CAPN5: variants seen among roughly 807,000 people sequenced by gnomAD.
CAPN5 encodes calpain 5.
In CAPN5, 54 loss-of-function variants were observed where a neutral mutation model predicts 73.0. That is an observed-to-expected ratio of 0.74 (90% CI 0.59 to 0.93). The LOEUF (loss-of-function observed/expected upper bound fraction) is 0.93, where lower values mean the gene tolerates loss of function less well. CAPN5 is among the 40% of genes least tolerant of loss of function. The probability of loss-of-function intolerance (pLI) is 0.00; values close to 1 mark genes in which losing one functional copy is unlikely to be tolerated. For synonymous variants in CAPN5, 335 were observed against 356.9 expected, an observed-to-expected ratio of 0.94 and a Z score of 0.69; for missense variants, 785 against 882.9, an observed-to-expected ratio of 0.89 and a Z score of 1.41.
chr11:77,088,311 C>T (rs1950111870), intron 2 of CAPN5, among the ~76,000 whole-genome samples: 1 of 152,160 alleles, frequency 6.6e-6, no homozygotes, highest in Admixed American at 6.5e-5. Context: ...TGGAGATGGC[C>T]CTACTCCTCG....
At chr11:77,112,084 C>A (rs1950415954) in intron 3 of CAPN5, among the ~76,000 whole-genome samples, 1 of 151,972 alleles carries the variant, frequency 6.6e-6, no homozygotes, top group Non-Finnish European at 1.5e-5. Flanking sequence ...CTACAGTTGT[C>A]CCTGGGCGAG....
chr11:77,078,017 C>G (rs1487729415), intron 1 of CAPN5, among the ~76,000 whole-genome samples: 1 of 152,138 alleles, frequency 6.6e-6, no homozygotes, highest in East Asian at 1.9e-4. Context: ...TGCAGGTTGT[C>G]TCTTCGTTCT....
intron 3 of CAPN5, among the ~76,000 whole-genome samples, chr11:77,111,408 G>A (rs1555040721): frequency 6.6e-6 from 1 of 152,148 alleles, no homozygotes; most frequent in Non-Finnish European, 1.5e-5. Flanking sequence ...GGTGACCCTG[G>A]ACGAGTTACG....
intron 1 of CAPN5, among the ~76,000 whole-genome samples, chr11:77,068,057 G>T (rs1432496422): frequency 2.0e-5 from 3 of 152,208 alleles, no homozygotes; most frequent in African/African-American, 7.2e-5. Context: ...GATCTGGGCA[G>T]ACTTCTTGGA....
chr11:77,088,588 T>A (rs1950116491), intron 2 of CAPN5, among the ~76,000 whole-genome samples: 1 of 152,102 alleles, frequency 6.6e-6, no homozygotes, highest in South Asian at 2.1e-4. Context: ...CAGTCCCAGA[T>A]GGAAGTCCCG....
At position 77,122,786 on chromosome 11, in the gene CAPN5, G is replaced by A. The variant is rs149516309; in HGVS notation, c.1740+74G>A. 2.4e-3 allele frequency: 3,832 copies of A among 1,589,834 alleles called. 8 individuals are homozygous for A. The highest frequency in any genetic ancestry group is 2.9e-3 in the Non-Finnish European group (3,426 of 1,164,834). On this transcript the variant is annotated intron_variant, in intron 12 of 12. Transcript: ENST00000648180. ...TTCCCCACTCAGGGGGACAAGCCCA[G>A]GTGGAAGACCCTCTGACGAGGACCC...
intron 3 of CAPN5, among the ~76,000 whole-genome samples, chr11:77,109,886 C>CAG (rs1950394159): frequency 6.6e-6 from 1 of 152,176 alleles, no homozygotes; most frequent in African/African-American, 2.4e-5. Flanking sequence ...AATGATCCTC[C>CAG]CGAGGTCCTA....
intron 8 of CAPN5, 62 bp from the exon 9 acceptor site, chr11:77,118,968 C>T: frequency 6.4e-7 from 1 of 1,552,626 alleles, no homozygotes; most frequent in Non-Finnish European, 8.7e-7. Context: ...CGGGAGCCAG[C>T]CAGCCCATGC....
At position 77,122,051 on chromosome 11, in the gene CAPN5, T is replaced by A; in HGVS notation, c.1603+2T>A. 6.5e-7 allele frequency: 1 copy of A among 1,534,798 alleles called. No homozygotes were observed. The highest frequency in any genetic ancestry group is 8.8e-7 in the Non-Finnish European group (1 of 1,135,932). ...CTGGCCTCAAGGACTCCCCAACAGG[T>A]GAGCTCTCCCAGGGAGAGTCCCCCG... On this transcript the variant is annotated splice_donor_variant, in intron 11 of 12. Transcript: ENST00000648180. LOFTEE classifies it high-confidence loss of function.
At chr11:77,118,075 CAT>C in intron 7 of CAPN5, 80 bp from the exon 8 acceptor site, 1 of 1,269,242 alleles carries the variant, frequency 7.9e-7, no homozygotes, top group Non-Finnish European at 1.1e-6. Context: ...GCCATATGGA[CAT>C]ATTAGGTTGT....
At chr11:77,083,436 G>A (rs1555034899) in intron 1 of CAPN5, among the ~76,000 whole-genome samples, 1 of 152,228 alleles carries the variant, frequency 6.6e-6, no homozygotes. Flanking sequence ...GGGTCATACA[G>A]CCAAGGCGGT....
At chr11:77,103,019 G>T in intron 3 of CAPN5, 3 of 1,613,596 alleles carry the variant, frequency 1.9e-6, no homozygotes, top group Non-Finnish European at 2.5e-6. Context: ...TCACCCAGCA[G>T]CAGCGGCTAC....
At chr11:77,119,919 C>T (rs1950506291) in intron 9 of CAPN5, 1 of 152,260 alleles carries the variant, frequency 6.6e-6, no homozygotes, top group African/African-American at 2.4e-5. Context: ...TCAGGCAGGT[C>T]CTGGCAGCTG....
intron 5 of CAPN5, 116 bp downstream of exon 5, chr11:77,114,550 C>A: frequency 2.1e-6 from 2 of 940,206 alleles, no homozygotes; most frequent in Non-Finnish European, 3.4e-6. Context: ...AGACCCTCAG[C>A]CTCGTGGGGG....
At chr11:77,121,103 C>G (rs1950516730) in intron 10 of CAPN5, among the ~76,000 whole-genome samples, 194 bp downstream of exon 10, 1 of 152,264 alleles carries the variant, frequency 6.6e-6, no homozygotes, top group African/African-American at 2.4e-5. Flanking sequence ...CTAGGAACAG[C>G]TTCTTGTATG....
At chr11:77,075,012 C>T in intron 1 of CAPN5, among the ~76,000 whole-genome samples, 1 of 152,200 alleles carries the variant, frequency 6.6e-6, no homozygotes, top group East Asian at 1.9e-4. Flanking sequence ...TAGTCTTGTC[C>T]TTTTCTAGTC....
chr11:77,123,393 G>A (rs1309213964), intron 12 of CAPN5, among the ~76,000 whole-genome samples: 1 of 152,178 alleles, frequency 6.6e-6, no homozygotes, highest in African/African-American at 2.4e-5. Context: ...TTAAAGATGG[G>A]GAAACTAGGG....
In CAPN5 at chr11:77,125,097, G is replaced by A. The variant is rs931994296; in HGVS notation, c.*1227G>A. 4 of 152,336 alleles carry A rather than the reference G, an allele frequency of 2.6e-5. No homozygotes were observed. Among genetic ancestry groups the A allele is most frequent in the Admixed American group, 1.3e-4 (2 of 15,280 alleles). 9.4% of individuals were successfully genotyped at this position (152,336 alleles called of 1,614,324 possible). ...TTGCTGGTCCTCTGGAGAACTCTTC[G>A]TGAGCACTGGTGCCGTGACCCACTT... On this transcript the variant is annotated 3_prime_UTR_variant, in exon 13 of 13. Transcript: ENST00000648180.
rs782596996 is a variant in CAPN5 at position 77,122,645 on chromosome 11, C to T, written c.1673C>T (p.Ser558Phe). 7 of 1,613,708 alleles carry T rather than the reference C, an allele frequency of 4.3e-6. No individual in the cohort carries two copies. In the African/African-American group the frequency reaches 6.7e-5, roughly 15 times the overall value. ...KVRSAVQKGT[S>F]TPEYNVKGIF... The stretch of plus-strand genomic sequence containing the variant: ...CGCTCGGCTGTGCAGAAGGGCACCT[C>T]CACACCAGAGTACAATGTGAAAGGC... Residue 558 changes from serine (S) to phenylalanine (F), a missense_variant, in exon 12 of 13, where the codon TCC (serine) becomes TTC (phenylalanine). Transcript: ENST00000648180.
Sources: gnomAD v4.1 joint callset for allele counts (sites outside exome capture counted in the v4.1 genomes callset) on GRCh38, gnomAD v4.1.1 for gene constraint, MANE v1.5 for transcripts, NCBI Gene and HGNC (gene_info 2026-07-23, HGNC 2026-07-21) for gene names.